The following TRIM49B variants were observed in gnomAD, a reference collection of about 807,000 sequenced individuals.
TRIM49B encodes putative tripartite motif-containing protein 49B.
TRIM49B carries 18 observed loss-of-function variants against 31.8 expected under a neutral mutation model. That is an observed-to-expected ratio of 0.57 (90% CI 0.39 to 0.84). The LOEUF is 0.84. TRIM49B is among the 40% of genes least tolerant of loss of function. TRIM49B has a pLI of 0.00. For synonymous variants in TRIM49B, 196 were observed against 180.6 expected (o/e 1.09, Z -0.68); for missense variants, 494 against 538.7 (o/e 0.92, Z 0.82).
In TRIM49B at chr11:49,034,104, G is replaced by A. The variant is rs777980445; in HGVS notation, c.508-42G>A. 5 of 1,610,554 alleles carry A rather than the reference G, an allele frequency of 3.1e-6. No individual in the cohort carries two copies. The South Asian group carries it at 3.3e-5, about 11-fold the overall frequency. On this transcript the variant is annotated intron_variant, in intron 3 of 6. Transcript: ENST00000332682. Reference sequence around the variant, plus strand: ...AATCAGTGAGATTTAATAGGAGATGGATATATACATTTCTCTTTTGACTAA... The same window carrying A: ...AATCAGTGAGATTTAATAGGAGATGAATATATACATTTCTCTTTTGACTAA...
In TRIM49B at chr11:49,035,339, A is replaced by ATTTTTTTTT. The variant is rs1162056301; in HGVS notation, c.761+252_761+260dup. Among the ~76,000 whole-genome samples the ATTTTTTTTT allele has an allele frequency of 6.4e-3, 364 of 56,800 alleles. 56 individuals carry two copies. Among genetic ancestry groups the ATTTTTTTTT allele is most frequent in the African/African-American group, 8.2e-3 (111 of 13,460 alleles). The allele number at this position is 56,800 out of a possible 152,430, so 37.3% of individuals were successfully genotyped here. ...ACTAAAACAAACAATTTGATTCCTG[A>ATTTTTTTTT]TTTTTTTTTTTTTTTTTTTTTTTTT... On this transcript the variant is annotated intron_variant, in intron 5 of 6. Coordinates refer to ENST00000332682, the MANE Select transcript of TRIM49B (RefSeq NM_001206626.2).
At position 49,037,841 on chromosome 11, in the gene TRIM49B, G is replaced by C. The variant is rs754589516; in HGVS notation, c.1223G>C (p.Arg408Pro). 5 of 1,613,758 alleles carry C rather than the reference G, an allele frequency of 3.1e-6. No individual in the cohort carries two copies. Among genetic ancestry groups the C allele is most frequent in the Non-Finnish European group, 4.2e-6 (5 of 1,179,844 alleles). ...LLQYIPRPTSRVGLFLDCEAK... is the reference protein window; with the variant it reads ...LLQYIPRPTSPVGLFLDCEAK... Reference sequence around the variant, plus strand: ...CAATATATCCCAAGACCTACCAGCCGAGTAGGATTATTCCTGGATTGTGAG... The same window carrying C: ...CAATATATCCCAAGACCTACCAGCCCAGTAGGATTATTCCTGGATTGTGAG... Residue 408 changes from arginine to proline, a missense_variant, in exon 7 of 7, where the codon CGA (arginine) becomes CCA (proline). Around this residue, in one of 3 missense-constraint regions of TRIM49B, gnomAD observed 233 missense variants for 281.4 expected, o/e 0.83. Coordinates refer to ENST00000332682, the MANE Select transcript of TRIM49B (RefSeq NM_001206626.2).
At chr11:49,035,497 C>G in intron 5 of TRIM49B, among the ~76,000 whole-genome samples, 1 of 151,444 alleles carries the variant, frequency 6.6e-6, no homozygotes, top group Non-Finnish European at 1.5e-5. Context: ...GTACCGGGGA[C>G]TACAGGCGCC....
At chr11:49,034,670 A>G (rs1033120246) in intron 4 of TRIM49B, among the ~76,000 whole-genome samples, 6 of 152,148 alleles carry the variant, frequency 3.9e-5, no homozygotes, top group Non-Finnish European at 8.8e-5. Context: ...TTAAACATGT[A>G]TAGAATAGTG....
intron 3 of TRIM49B, among the ~76,000 whole-genome samples, chr11:49,032,609 C>T (rs1003850470): frequency 4.1e-4 from 21 of 51,360 alleles, no homozygotes; most frequent in Non-Finnish European, 7.7e-4. Context: ...TGGTTTGTTT[C>T]ATACAAACCT....
Position 49,033,652 on chromosome 11 carries a change from C to T in TRIM49B, c.508-494C>T, listed in dbSNP as rs566116184. ...GAAAAAGAATAGAAGGAAATGAATT[C>T]AGGGAGACAAAGATGGCCAAATCAT... On this transcript the variant is annotated intron_variant, in intron 3 of 6. Coordinates refer to ENST00000332682, the MANE Select transcript of TRIM49B (RefSeq NM_001206626.2). Among the ~76,000 whole-genome samples the T allele has an allele frequency of 7.8e-3, 1,182 of 152,226 alleles. 18 individuals are homozygous for T. Among genetic ancestry groups the T allele is most frequent in the African/African-American group, 0.027 (1,134 of 41,516 alleles).
chr11:49,033,064 A>G (rs1854474455), intron 3 of TRIM49B, among the ~76,000 whole-genome samples: 2 of 152,270 alleles, frequency 1.3e-5, no homozygotes, highest in South Asian at 4.1e-4. Context: ...GATAGCTAAT[A>G]TTAGTTTGTT....
At chr11:49,036,202 A>G in intron 5 of TRIM49B, 99 bp from the exon 6 acceptor site, 4 of 1,562,556 alleles carry the variant, frequency 2.6e-6, no homozygotes, top group Non-Finnish European at 2.6e-6. Context: ...TCAAATGTGT[A>G]GATTCAAAGG....
At position 49,032,364 on chromosome 11, in the gene TRIM49B, G is replaced by A. The variant is rs749779971; in HGVS notation, c.500G>A (p.Cys167Tyr). The change falls in exon 3 of 7, where the codon TGC becomes TAC. Residue 167 changes from cysteine (C) to tyrosine (Y), a missense_variant. Coordinates refer to ENST00000332682, the MANE Select transcript of TRIM49B (RefSeq NM_001206626.2). The stretch of plus-strand genomic sequence containing the variant: ...AATGTGGAAACCACCAGAACCAGAT[G>A]CTGGAAGGTTAGTCCTGTACTACTC... The part of the protein sequence containing the change: ...NLNVETTRTR[C>Y]WKDYVNLRLE... 6.2e-7 allele frequency: 1 copy of A among 1,613,224 alleles called. No homozygotes were observed. Among genetic ancestry groups the A allele is most frequent in the Non-Finnish European group, 8.5e-7 (1 of 1,179,666 alleles).
At position 49,032,009 on chromosome 11, in the gene TRIM49B, A is replaced by G. The variant is rs1354314375; in HGVS notation, c.410A>G (p.Gln137Arg). Reference sequence around the variant, plus strand: ...ATTGAGTCGGCTGCTGAGGAACACCAGGTAAGTGATGGCTCTGAAGATCGA... The same window carrying G: ...ATTGAGTCGGCTGCTGAGGAACACCGGGTAAGTGATGGCTCTGAAGATCGA... ...CPIESAAEEH[Q>R]EKLLQKMQSL... is the part of the protein sequence containing the mutation. Residue 137 changes from glutamine to arginine, a missense_variant and splice_region_variant, in exon 2 of 7, where the codon CAG (glutamine) becomes CGG (arginine). Physicochemically the swap from Gln to Arg is conservative, Grantham distance 43. Coordinates refer to ENST00000332682, the MANE Select transcript of TRIM49B (RefSeq NM_001206626.2). 6.2e-7 allele frequency: 1 copy of G among 1,611,894 alleles called. No homozygotes were observed. Among genetic ancestry groups the G allele is most frequent in the Non-Finnish European group, 8.5e-7 (1 of 1,179,860 alleles).
At chr11:49,032,721 G>T (rs530061833) in intron 3 of TRIM49B, among the ~76,000 whole-genome samples, 25 of 152,050 alleles carry the variant, frequency 1.6e-4, no homozygotes, top group African/African-American at 6.0e-4. Flanking sequence ...GGCAGTCATG[G>T]AATGCTCAGC....
At position 49,031,977 on chromosome 11, in the gene TRIM49B, C is replaced by G; in HGVS notation, c.378C>G (p.His126Gln). 6.2e-7 allele frequency: 1 copy of G among 1,612,030 alleles called. No individual in the cohort carries two copies. Among genetic ancestry groups the G allele is most frequent in the Non-Finnish European group, 8.5e-7 (1 of 1,179,862 alleles). ...CTCAGGAGCACCGGGATCACAGACA[C>G]TGTCCCATTGAGTCGGCTGCTGAGG... ...SSSQEHRDHR[H>Q]CPIESAAEEH... Residue 126 changes from histidine (H) to glutamine (Q), a missense_variant, in exon 2 of 7, where the codon CAC (histidine) becomes CAG (glutamine). Physicochemically the swap from His to Gln is conservative, Grantham distance 24. Transcript: ENST00000332682.
At chr11:49,032,601 G>C (rs1056149959) in intron 3 of TRIM49B, among the ~76,000 whole-genome samples, 2 of 72,444 alleles carry the variant, frequency 2.8e-5, no homozygotes, top group African/African-American at 1.1e-4. Context: ...AAGCATGCTG[G>C]TTTGTTTCAT....
In TRIM49B at chr11:49,036,497, T is replaced by C. The variant is rs7104188; in HGVS notation, c.859+99T>C. 1,076 of 734,542 alleles carry C rather than the reference T, an allele frequency of 1.5e-3. 7 individuals are homozygous for C. The African/African-American group carries it at 0.018, about 12-fold the overall frequency. 45.5% of individuals were successfully genotyped at this position (734,542 alleles called of 1,614,324 possible). A position where few individuals can be genotyped will look rare whatever the true frequency, so the allele number is the denominator to read the frequency against. On this transcript the variant is annotated intron_variant, in intron 6 of 6. Transcript: ENST00000332682. ...CATATTTTATCAAATATTTTACTTC[T>C]TTTAAGACATAAGTGAACAATATAA...
chr11:49,034,889 C>T (rs998038562), intron 4 of TRIM49B, among the ~76,000 whole-genome samples: 1 of 152,132 alleles, frequency 6.6e-6, no homozygotes, highest in Non-Finnish European at 1.5e-5. Flanking sequence ...GTCTTCAAGA[C>T]TCAGACTTTC....
Position 49,031,607 on chromosome 11 carries a change from C to G in TRIM49B, c.8C>G (p.Ser3Cys). The change falls in exon 2 of 7, where the codon TCT becomes TGT. Residue 3 changes from serine (S) to cysteine (C), a missense_variant. Around this residue, in one of 3 missense-constraint regions of TRIM49B, gnomAD observed 251 missense variants for 232.8 expected, o/e 1.08. Transcript: ENST00000332682. MN[S>C]GILQVFQREL... ...TCTTTGTTCCTCAGAAACATGAATTCTGGAATCTTACAGGTCTTTCAGAGG... is the reference window on the plus strand; with the variant it reads ...TCTTTGTTCCTCAGAAACATGAATTGTGGAATCTTACAGGTCTTTCAGAGG... 1 of 1,613,688 alleles carries G rather than the reference C, an allele frequency of 6.2e-7. No individual in the cohort carries two copies. Among genetic ancestry groups the G allele is most frequent in the Non-Finnish European group, 8.5e-7 (1 of 1,179,816 alleles).
chr11:49,035,163 G>C (rs1356393086), intron 5 of TRIM49B, 46 bp downstream of exon 5: 2 of 1,600,710 alleles, frequency 1.2e-6, no homozygotes, highest in East Asian at 2.3e-5. Context: ...AAGATTCCAC[G>C]ACTATCAAAG....
intron 2 of TRIM49B, 67 bp from the exon 3 acceptor site, chr11:49,032,209 T>C (rs573679361): frequency 8.2e-5 from 132 of 1,612,060 alleles, no homozygotes; most frequent in South Asian, 4.8e-4. Flanking sequence ...TTTATTTGTC[T>C]CTCATTCTGG....
chr11:49,036,150 TA>T, intron 5 of TRIM49B, 150 bp from the exon 6 acceptor site: 1 of 1,451,700 alleles, frequency 6.9e-7, no homozygotes, highest in Non-Finnish European at 9.3e-7. Context: ...TTAGAAACTG[TA>T]AAGAATTAAT....
Sources: gnomAD v4.1 joint callset for allele counts (sites outside exome capture counted in the v4.1 genomes callset) on GRCh38, gnomAD v4.1.1 for gene constraint, gnomAD v4.1.1 regional missense constraint, MANE v1.5 for transcripts, NCBI Gene and HGNC (gene_info 2026-07-23, HGNC 2026-07-21) for gene names.